The following CFAP251 variants were observed in gnomAD, a reference collection of about 807,000 sequenced individuals.
CFAP251 encodes cilia- and flagella-associated protein 251.
CFAP251 carries 93 observed loss-of-function variants against 126.7 expected under a neutral mutation model. The observed-to-expected ratio is 0.73, with a 90% CI of 0.62 to 0.87. CFAP251 has a LOEUF of 0.87. Among genes scored for constraint, CFAP251 ranks in the 40% least tolerant of loss-of-function variants. CFAP251 has a pLI of 0.00. For missense variants in CFAP251, 1,287 were observed against 1,389.2 expected (o/e 0.93, Z 1.17); for synonymous variants, 503 against 506.9 (o/e 0.99, Z 0.10).
intron 2 of CFAP251, 45 bp from the exon 3 acceptor site, chr12:121,923,577 A>G (rs201551274): frequency 6.4e-7 from 1 of 1,551,684 alleles, no homozygotes; most frequent in African/African-American, 1.4e-5. Flanking sequence ...ATAAATGGTG[A>G]GTAGCAGCAC....
intron 17 of CFAP251, chr12:121,969,018 G>C (rs1380231975): frequency 1.0e-6 from 1 of 985,066 alleles, no homozygotes; most frequent in East Asian, 1.1e-4. Context: ...TCCTGTTCCT[G>C]ACCACTTCTC....
At chr12:121,963,771 T>C (rs2135787734) in intron 15 of CFAP251, among the ~76,000 whole-genome samples, 1 of 151,102 alleles carries the variant, frequency 6.6e-6, no homozygotes, top group South Asian at 2.2e-4. Flanking sequence ...TTCAGGAGGC[T>C]GTGTGACTTG....
chr12:121,938,562 T>C (rs1880981415), intron 5 of CFAP251, among the ~76,000 whole-genome samples: 1 of 150,190 alleles, frequency 6.7e-6, no homozygotes, highest in South Asian at 2.1e-4. Context: ...ATTCCTGGGC[T>C]CAAGTGATCC....
chr12:121,939,738 A>T (rs1211154262), intron 5 of CFAP251, among the ~76,000 whole-genome samples: 1 of 152,196 alleles, frequency 6.6e-6, no homozygotes, highest in Non-Finnish European at 1.5e-5. Flanking sequence ...TTTAGGATTA[A>T]TATTCATTTT....
Position 122,001,573 on chromosome 12 carries a change from C to T in CFAP251, c.3312C>T (p.Ser1104=), listed in dbSNP as rs763590990. 6.2e-6 allele frequency: 10 copies of T among 1,613,952 alleles called. No individual in the cohort carries two copies. The highest frequency in any genetic ancestry group is 4.5e-5 in the East Asian group (2 of 44,890). The change falls in exon 21 of 22, where the codon TCC becomes TCT. Residue 1104 remains serine, a synonymous_variant. Coordinates refer to ENST00000288912, the MANE Select transcript of CFAP251 (RefSeq NM_144668.6). ...LFGLNPEGWK[S]EPATCSVKGS... is the part of the protein sequence containing the mutation. ...GCCTGAATCCCGAGGGATGGAAATC[C>T]GAGCCTGCAACCTGCTCCGTCAAAG...
At chr12:121,950,582 G>A (rs1195540800) in intron 8 of CFAP251, 1 of 151,868 alleles carries the variant, frequency 6.6e-6, no homozygotes, top group Non-Finnish European at 1.5e-5. Flanking sequence ...TTTTGAGATG[G>A]GGTCTCACTC....
chr12:121,958,905 GTA>G, intron 12 of CFAP251, 36 bp from the exon 13 acceptor site: 1 of 1,552,090 alleles, frequency 6.4e-7, no homozygotes, highest in Non-Finnish European at 8.7e-7. Flanking sequence ...TTGAATGAAT[GTA>G]ATCCTTTTCC....
intron 19 of CFAP251, among the ~76,000 whole-genome samples, chr12:121,978,207 A>G (rs1882518511): frequency 6.6e-6 from 1 of 150,628 alleles, no homozygotes; most frequent in African/African-American, 2.4e-5. Flanking sequence ...CCTGGCTAAC[A>G]CGGTGAAACC....
Position 121,977,873 on chromosome 12 carries a change from G to T in CFAP251, c.3006+2188G>T, listed in dbSNP as rs552687804. 4.1e-5 allele frequency among the ~76,000 whole-genome samples: 6 copies of T among 146,736 alleles called. No individual in the cohort carries two copies. The East Asian group carries it at 1.2e-3, about 30-fold the overall frequency. On this transcript the variant is annotated intron_variant, in intron 19 of 21. Transcript: ENST00000288912. ...ATTCAGGAGGCTGAGGGAGGAGAATGGCGTGAACCCGGGAGGCGGAGCTTG... is the reference window on the plus strand; with the variant it reads ...ATTCAGGAGGCTGAGGGAGGAGAATTGCGTGAACCCGGGAGGCGGAGCTTG...
intron 7 of CFAP251, among the ~76,000 whole-genome samples, chr12:121,947,377 C>A (rs529910974): frequency 6.6e-6 from 1 of 152,190 alleles, no homozygotes; most frequent in African/African-American, 2.4e-5. Flanking sequence ...GTCTAATAAC[C>A]CCAATGCTCG....
intron 15 of CFAP251, among the ~76,000 whole-genome samples, chr12:121,963,374 G>A (rs765399491): frequency 2.0e-5 from 3 of 152,068 alleles, no homozygotes; most frequent in Non-Finnish European, 2.9e-5. Context: ...GACTGGACAA[G>A]GCAAGCTTGA....
chr12:121,920,637 C>A (rs1880131030), intron 1 of CFAP251, among the ~76,000 whole-genome samples: 1 of 152,042 alleles, frequency 6.6e-6, no homozygotes, highest in South Asian at 2.1e-4. Context: ...ACCTCGTGAT[C>A]CACCCGCGTC....
chr12:121,996,426 G>A (rs1046979595), intron 19 of CFAP251, among the ~76,000 whole-genome samples: 4 of 152,090 alleles, frequency 2.6e-5, no homozygotes, highest in East Asian at 3.8e-4. Flanking sequence ...CTACATGCAC[G>A]GTACAAAAAT....
intron 19 of CFAP251, among the ~76,000 whole-genome samples, chr12:121,983,770 A>T (rs1024732240): frequency 6.6e-6 from 1 of 151,588 alleles, no homozygotes; most frequent in African/African-American, 2.4e-5. Context: ...CTCTTTGGAG[A>T]TGTTTTCTGA....
Position 121,999,698 on chromosome 12 carries a change from TC to T in CFAP251, c.3007-14del. The T allele has an allele frequency of 1.3e-6, 2 of 1,560,500 alleles. No individual in the cohort carries two copies. The highest frequency in any genetic ancestry group is 2.3e-5 in the East Asian group (1 of 44,144). ...TCTATTTACTGTGGTCTTTTTTTTT[TC>T]CCCATCTTTCCCCTAGATTGATGAT... On this transcript the variant is annotated splice_polypyrimidine_tract_variant and intron_variant, in intron 19 of 21. Coordinates refer to ENST00000288912, the MANE Select transcript of CFAP251 (RefSeq NM_144668.6).
At chr12:121,951,056 T>TA (rs1441704255) in intron 8 of CFAP251, 190 of 136,080 alleles carry the variant, frequency 1.4e-3, no homozygotes, top group South Asian at 2.8e-3. Flanking sequence ...CCATCTCTAC[T>TA]AAAAAAAAAA....
chr12:121,931,405 C>T (rs528544588), intron 3 of CFAP251, among the ~76,000 whole-genome samples: 3 of 152,142 alleles, frequency 2.0e-5, no homozygotes, highest in South Asian at 2.1e-4. Context: ...CTCCGCCTCC[C>T]GGGTTCAAGT....
Position 121,931,734 on chromosome 12 carries a change from C to T in CFAP251, c.748-12C>T. ...GCTGTAATGTCTTGCTGGCTTTGCC[C>T]TTGTCTTCCAGACCATGACCTGGTC... is the stretch of plus-strand genomic sequence containing the variant. On this transcript the variant is annotated splice_polypyrimidine_tract_variant and intron_variant, in intron 3 of 21. Transcript: ENST00000288912. The T allele has an allele frequency of 1.9e-6, 3 of 1,546,092 alleles. No individual in the cohort carries two copies. The highest frequency in any genetic ancestry group is 2.6e-6 in the Non-Finnish European group (3 of 1,150,500).
intron 17 of CFAP251, 45 bp from the exon 18 acceptor site, chr12:121,975,199 A>G: frequency 6.4e-7 from 1 of 1,564,154 alleles, no homozygotes; most frequent in South Asian, 1.1e-5. Context: ...AGCCATGCTC[A>G]TGCTTGAGCG....
Sources: allele counts gnomAD v4.1 joint callset (sites outside exome capture counted in the v4.1 genomes callset), GRCh38; gene constraint gnomAD v4.1.1; transcripts MANE v1.5; gene names NCBI Gene and HGNC (gene_info 2026-07-23, HGNC 2026-07-21).